WDR70: variants seen among roughly 807,000 people sequenced by gnomAD.
The protein encoded by WDR70 is WD repeat domain 70, also known as WD repeat-containing protein 70.
In WDR70, 53 loss-of-function variants were observed where a neutral mutation model predicts 88.6. The ratio of observed to expected loss-of-function variants is 0.60; its 90% CI spans 0.48 to 0.75. WDR70 has a LOEUF of 0.75. Ranked by LOEUF, WDR70 falls within the 30% of genes least tolerant of loss-of-function variation. The probability of loss-of-function intolerance (pLI) is 0.00; values close to 1 mark genes in which losing one functional copy is unlikely to be tolerated. For synonymous variants in WDR70, 280 were observed against 270.0 expected (o/e 1.04, Z -0.36); for missense variants, 610 against 823.2 (o/e 0.74, Z 3.17).
At chr5:37,380,689 C>T (rs13184133) in intron 2 of WDR70, among the ~76,000 whole-genome samples, 102,795 of 151,838 alleles carry the variant, frequency 0.68, 39,249 homozygotes, top group East Asian at 0.88. Flanking sequence ...GCTCTGTCAC[C>T]CAGGCTGGAG....
chr5:37,432,688 G>A (rs549326770), intron 5 of WDR70, among the ~76,000 whole-genome samples: 8 of 150,442 alleles, frequency 5.3e-5, no homozygotes, highest in Non-Finnish European at 8.8e-5. Flanking sequence ...GAGCCACCGC[G>A]CCCGGCCTTT....
At chr5:37,522,470 C>CAAAA (rs1209419601) in intron 9 of WDR70, among the ~76,000 whole-genome samples, 1 of 41,352 alleles carries the variant, frequency 2.4e-5, no homozygotes. Flanking sequence ...GACTCTGTCT[C>CAAAA]AAAAAAAAAA....
At chr5:37,715,621 G>A (rs1747631883) in intron 13 of WDR70, among the ~76,000 whole-genome samples, 1 of 152,176 alleles carries the variant, frequency 6.6e-6, no homozygotes, top group Non-Finnish European at 1.5e-5. Flanking sequence ...CATGTGGCAA[G>A]GCCATCCCAA....
chr5:37,563,135 C>A (rs1442025306), intron 9 of WDR70, among the ~76,000 whole-genome samples: 1 of 68,504 alleles, frequency 1.5e-5, no homozygotes, highest in African/African-American at 4.1e-5. Context: ...GGCTGACCTC[C>A]CGGCCTCCCT....
At chr5:37,743,524 C>G (rs1748546753) in intron 17 of WDR70, among the ~76,000 whole-genome samples, 1 of 152,224 alleles carries the variant, frequency 6.6e-6, no homozygotes, top group Non-Finnish European at 1.5e-5. Flanking sequence ...GCTAAGCTCT[C>G]TGGGTAGGGG....
chr5:37,663,863 C>T (rs1386651163), intron 10 of WDR70, among the ~76,000 whole-genome samples: 5 of 152,184 alleles, frequency 3.3e-5, no homozygotes, highest in Admixed American at 6.5e-5. Flanking sequence ...CTATCAGTTA[C>T]TCCCTTTCCT....
At chr5:37,539,669 G>A (rs749943999) in intron 9 of WDR70, among the ~76,000 whole-genome samples, 2 of 152,194 alleles carry the variant, frequency 1.3e-5, no homozygotes, top group Non-Finnish European at 1.5e-5. Flanking sequence ...CCTGTGCACA[G>A]GAATGTGCCC....
chr5:37,588,332 C>T (rs901191493), intron 9 of WDR70, among the ~76,000 whole-genome samples: 2 of 151,458 alleles, frequency 1.3e-5, no homozygotes, highest in Non-Finnish European at 2.9e-5. Flanking sequence ...TAACTCTGAG[C>T]AGAATAGTGC....
chr5:37,462,493 G>A (rs1389009206), intron 7 of WDR70, among the ~76,000 whole-genome samples: 5 of 152,044 alleles, frequency 3.3e-5, no homozygotes, highest in Admixed American at 3.3e-4. Context: ...CAGTAGAGAC[G>A]GGGTTTCACC....
intron 9 of WDR70, among the ~76,000 whole-genome samples, chr5:37,549,885 CAG>C (rs1421629956): frequency 6.7e-6 from 1 of 149,144 alleles, no homozygotes; most frequent in Non-Finnish European, 1.5e-5. Context: ...TTTTTTGAGA[CAG>C]AGCCTCACCC....
intron 5 of WDR70, among the ~76,000 whole-genome samples, chr5:37,426,550 G>A (rs1750129188): frequency 6.6e-6 from 1 of 152,156 alleles, no homozygotes; most frequent in Admixed American, 6.5e-5. Context: ...GTTCACCACG[G>A]CCTTACTTAC....
At chr5:37,617,639 A>T (rs1744381870) in intron 10 of WDR70, among the ~76,000 whole-genome samples, 1 of 152,148 alleles carries the variant, frequency 6.6e-6, no homozygotes, top group African/African-American at 2.4e-5. Context: ...GGGGGTGAGA[A>T]TTTTTTCTTC....
intron 7 of WDR70, among the ~76,000 whole-genome samples, chr5:37,448,350 G>A (rs1340427691): frequency 3.3e-5 from 5 of 152,120 alleles, no homozygotes. Context: ...ACTTCCCCGA[G>A]TAGCCCGTCT....
chr5:37,699,331 T>TAC lies in WDR70; in HGVS notation c.1192+1605_1192+1606dup, dbSNP rs67566263. Among the ~76,000 whole-genome samples, 1,139 of 141,614 alleles carry TAC rather than the reference T, an allele frequency of 8.0e-3. 7 individuals carry two copies. Among genetic ancestry groups the TAC allele is most frequent in the South Asian group, 0.013 (58 of 4,310 alleles). 92.9% of individuals were successfully genotyped at this position (141,614 alleles called of 152,430 possible). On this transcript the variant is annotated intron_variant, in intron 11 of 17. Coordinates refer to ENST00000265107, the MANE Select transcript of WDR70 (RefSeq NM_018034.4). ...ATAATTCTTACTTTCCTTTCCATCA[T>TAC]ACACACACACACACACACACACACA...
chr5:37,544,480 A>G (rs56121022), intron 9 of WDR70, among the ~76,000 whole-genome samples: 1 of 152,348 alleles, frequency 6.6e-6, no homozygotes, highest in African/African-American at 2.4e-5. Context: ...AGGCTTCAGT[A>G]AATTATAAAT....
chr5:37,600,383 C>T (rs1297107539), intron 9 of WDR70, among the ~76,000 whole-genome samples: 6 of 151,938 alleles, frequency 3.9e-5, no homozygotes, highest in South Asian at 4.1e-4. Context: ...AAAAATTAGC[C>T]GGCCGTGGTG....
intron 9 of WDR70, among the ~76,000 whole-genome samples, chr5:37,552,126 A>G (rs1249915647): frequency 6.6e-6 from 1 of 152,122 alleles, no homozygotes; most frequent in Non-Finnish European, 1.5e-5. Flanking sequence ...AAATATTTGT[A>G]CAACTTTGTA....
intron 5 of WDR70, among the ~76,000 whole-genome samples, chr5:37,408,079 C>T (rs1181411255): frequency 1.3e-5 from 2 of 152,050 alleles, no homozygotes; most frequent in South Asian, 2.1e-4. Context: ...TCTCAGATCT[C>T]GTCTGCGTCT....
At chr5:37,582,712 C>T (rs879532541) in intron 9 of WDR70, among the ~76,000 whole-genome samples, 1 of 152,184 alleles carries the variant, frequency 6.6e-6, no homozygotes, top group Non-Finnish European at 1.5e-5. Flanking sequence ...TAATACAGAC[C>T]TAACACATGT....
Sources: gnomAD v4.1 joint callset for allele counts (sites outside exome capture counted in the v4.1 genomes callset) on GRCh38, gnomAD v4.1.1 for gene constraint, MANE v1.5 for transcripts, NCBI Gene and HGNC (gene_info 2026-07-23, HGNC 2026-07-21) for gene names.